Variants in KAZN observed in about 807,000 individuals in gnomAD.
The protein encoded by KAZN is kazrin.
A neutral mutation model predicts 87.4 loss-of-function variants in KAZN; 40 were observed. The ratio of observed to expected loss-of-function variants is 0.46; its 90% CI spans 0.36 to 0.60. KAZN has a LOEUF of 0.60. Ranked by LOEUF, KAZN falls within the 20% of genes least tolerant of loss-of-function variation. The pLI, the probability that KAZN is intolerant of heterozygous loss-of-function variation, is 0.00. For missense variants in KAZN, 898 were observed against 1,073.9 expected (o/e 0.84, Z 2.29); for synonymous variants, 466 against 458.3 (o/e 1.02, Z -0.22).
chr1:14,133,298 C>T (rs987267691), intron 1 of KAZN, among the ~76,000 whole-genome samples: 2 of 148,508 alleles, frequency 1.3e-5, no homozygotes. Flanking sequence ...ACCTGGGAGG[C>T]AGAGGTTGCA....
chr1:14,626,515 A>G (rs1361532277), intron 1 of KAZN, among the ~76,000 whole-genome samples: 1 of 152,198 alleles, frequency 6.6e-6, no homozygotes, highest in African/African-American at 2.4e-5. Flanking sequence ...CGGGGTTACC[A>G]TCCCGGCTGG....
chr1:14,043,816 A>G (rs1641942874), intron 1 of KAZN, among the ~76,000 whole-genome samples: 1 of 152,144 alleles, frequency 6.6e-6, no homozygotes, highest in Admixed American at 6.5e-5. Context: ...ATGTCCAAAA[A>G]GGTTCAGTGA....
intron 2 of KAZN, among the ~76,000 whole-genome samples, chr1:14,205,927 G>A (rs562615015): frequency 0.018 from 226 of 12,466 alleles, no homozygotes; most frequent in African/African-American, 0.14. Context: ...GTTAAATGAC[G>A]AGTTTAATGG....
At chr1:14,097,636 G>A (rs187797308) in intron 1 of KAZN, among the ~76,000 whole-genome samples, 1 of 152,266 alleles carries the variant, frequency 6.6e-6, no homozygotes, top group East Asian at 1.9e-4. Context: ...TGTGTGTGTT[G>A]TTGGGAAGGG....
At chr1:14,975,376 C>A (rs1005936272) in intron 2 of KAZN, among the ~76,000 whole-genome samples, 1 of 152,186 alleles carries the variant, frequency 6.6e-6, no homozygotes, top group East Asian at 1.9e-4. Context: ...GGCCTTCATG[C>A]CTGGAGCCTG....
intron 2 of KAZN, among the ~76,000 whole-genome samples, chr1:14,983,505 T>C (rs1161970255): frequency 1.7e-5 from 2 of 117,048 alleles, no homozygotes. Context: ...AAATGCAAAG[T>C]GACGTGACCC....
rs536640203 is a variant in KAZN, at chr1:14,475,814, C to CT, written c.250-123163dup. The stretch of plus-strand genomic sequence containing the variant: ...AGGCAAAGGAAAGCCCAATGGGCAT[C>CT]TTTTTTACGCTAAATAATTTTGTGG... On this transcript the variant is annotated intron_variant, in intron 2 of 16. Transcript: ENST00000636203. Among the ~76,000 whole-genome samples, 4 of 151,822 alleles carry CT rather than the reference C, an allele frequency of 2.6e-5. No homozygotes were observed. In the South Asian group the frequency reaches 8.3e-4, roughly 32 times the overall value.
At chr1:14,775,370 C>T (rs1485736037) in intron 1 of KAZN, among the ~76,000 whole-genome samples, 2 of 152,232 alleles carry the variant, frequency 1.3e-5, no homozygotes, top group Admixed American at 1.3e-4. Context: ...CGTCATGCTT[C>T]CCCTGGAGGA....
chr1:14,293,450 G>A (rs893313117), intron 2 of KAZN, among the ~76,000 whole-genome samples: 5 of 151,844 alleles, frequency 3.3e-5, no homozygotes, highest in South Asian at 2.1e-4. Flanking sequence ...AAGAAAATTC[G>A]CATTCTAATC....
chr1:14,442,322 C>A (rs905055454), intron 2 of KAZN, among the ~76,000 whole-genome samples: 5 of 152,240 alleles, frequency 3.3e-5, no homozygotes, highest in African/African-American at 9.6e-5. Flanking sequence ...TAATTGGACA[C>A]AAATCACTAC....
intron 1 of KAZN, among the ~76,000 whole-genome samples, chr1:14,040,197 A>T (rs2101392075): frequency 6.6e-6 from 1 of 151,934 alleles, no homozygotes. Context: ...AACCTGGGTG[A>T]CTCATTTCCA....
intron 2 of KAZN, among the ~76,000 whole-genome samples, chr1:14,307,733 C>T (rs1025912395): frequency 3.9e-5 from 6 of 152,124 alleles, no homozygotes; most frequent in African/African-American, 1.2e-4. Flanking sequence ...GAGGCAGTAA[C>T]GCGTAGTGGG....
At chr1:15,110,473 T>A (rs201747763) in intron 13 of KAZN, among the ~76,000 whole-genome samples, 69 of 134,110 alleles carry the variant, frequency 5.1e-4, no homozygotes, top group African/African-American at 2.1e-3. Flanking sequence ...GTTTGTATGT[T>A]TGTGTATTTG....
At chr1:14,025,468 A>T (rs1274101016) in intron 1 of KAZN, among the ~76,000 whole-genome samples, 1 of 152,206 alleles carries the variant, frequency 6.6e-6, no homozygotes, top group African/African-American at 2.4e-5. Flanking sequence ...CAAAGAAGAC[A>T]AGCTTTGTTC....
At chr1:14,415,836 T>C (rs1245840459) in intron 2 of KAZN, among the ~76,000 whole-genome samples, 1 of 152,116 alleles carries the variant, frequency 6.6e-6, no homozygotes, top group East Asian at 1.9e-4. Context: ...TGTGTTGTTG[T>C]CTTGGATCAG....
intron 10 of KAZN, among the ~76,000 whole-genome samples, chr1:15,097,475 T>C (rs1400188316): frequency 6.6e-6 from 1 of 152,184 alleles, no homozygotes; most frequent in Admixed American, 6.5e-5. Flanking sequence ...GATATCATTT[T>C]ATTTACCCTC....
chr1:14,645,419 C>G (rs1370493297), intron 1 of KAZN, among the ~76,000 whole-genome samples: 1 of 152,304 alleles, frequency 6.6e-6, no homozygotes, highest in East Asian at 1.9e-4. Context: ...GATATTAACT[C>G]TTCCTATCCA....
At chr1:14,397,478 G>A (rs1373737607) in intron 2 of KAZN, among the ~76,000 whole-genome samples, 2 of 152,112 alleles carry the variant, frequency 1.3e-5, no homozygotes, top group African/African-American at 4.8e-5. Context: ...TTCCAAACAT[G>A]ACATTGAGTG....
chr1:14,786,518 C>G (rs1645513770), intron 1 of KAZN, among the ~76,000 whole-genome samples: 1 of 152,122 alleles, frequency 6.6e-6, no homozygotes, highest in East Asian at 1.9e-4. Context: ...TGATTTGGCA[C>G]CTTGAATGGA....
Sources: gnomAD v4.1 joint callset for allele counts (sites outside exome capture counted in the v4.1 genomes callset) on GRCh38, gnomAD v4.1.1 for gene constraint, MANE v1.5 for transcripts, NCBI Gene and HGNC (gene_info 2026-07-23, HGNC 2026-07-21) for gene names.